TACC2: variants seen among roughly 807,000 people sequenced by gnomAD.
TACC2 encodes the protein transforming acidic coiled-coil containing protein 2, also known as transforming acidic coiled-coil-containing protein 2.
Under a neutral mutation model 227.3 loss-of-function variants are expected in TACC2, and 137 were observed. That is an observed-to-expected ratio of 0.60 (90% CI 0.52 to 0.69). The LOEUF (loss-of-function observed/expected upper bound fraction) is 0.69, where lower values mean the gene tolerates loss of function less well. Among genes scored for constraint, TACC2 ranks in the 30% least tolerant of loss-of-function variants. TACC2 has a pLI of 0.00. For synonymous variants in TACC2, 1,523 were observed against 1,487.5 expected (o/e 1.02, Z -0.55); for missense variants, 3,470 against 3,694.4 (o/e 0.94, Z 1.57).
intron 1 of TACC2, among the ~76,000 whole-genome samples, chr10:122,009,459 G>A (rs1439165949): frequency 6.6e-6 from 1 of 151,962 alleles, no homozygotes; most frequent in Non-Finnish European, 1.5e-5. Context: ...AGCAGAGATC[G>A]TGCCACTGCA....
rs1313829619 is a variant in TACC2, at chr10:122,215,370, C to T, written c.7284-21C>T. On this transcript the variant is annotated intron_variant, in intron 9 of 22. Coordinates refer to ENST00000369005, the MANE Select transcript of TACC2 (RefSeq NM_206862.4). The stretch of plus-strand genomic sequence containing the variant: ...TCCGTCCCTCTGCTTGTTGTGTTTA[C>T]GTTTTCCATTTTGTTTCCAGTGACA... The T allele has an allele frequency of 5.6e-6, 9 of 1,610,958 alleles. 1 individual carries two copies. The highest frequency in any genetic ancestry group is 2.2e-5 in the South Asian group (2 of 90,998).
intron 5 of TACC2, among the ~76,000 whole-genome samples, chr10:122,120,402 C>T (rs556097581): frequency 8.5e-5 from 13 of 152,282 alleles, no homozygotes; most frequent in South Asian, 4.1e-4. Context: ...AAGAGGCACC[C>T]GCAGCCCTGG....
intron 5 of TACC2, among the ~76,000 whole-genome samples, chr10:122,101,551 CTTTTTTTT>C (rs34331470): frequency 2.1e-5 from 1 of 47,138 alleles, no homozygotes; most frequent in Non-Finnish European, 4.3e-5. Flanking sequence ...AAAACCCCAT[CTTTTTTTT>C]TTTTTTTTTT....
In TACC2 at chr10:122,083,110, C is replaced by T. The variant is rs1456902268; in HGVS notation, c.610C>T (p.Pro204Ser). ...CCAGTCACCTGGAATGTCGCCAGTA[C>T]CCCTCAGAGAGCCAATGAAGGCACC... Reference protein sequence around the residue: ...IDQSPGMSPVPLREPMKAPLC... With the variant: ...IDQSPGMSPVSLREPMKAPLC... Residue 204 changes from proline to serine, a missense_variant, in exon 4 of 23, where the codon CCC becomes TCC. Physicochemically the swap from Pro to Ser is moderately conservative, Grantham distance 74 (BLOSUM62 -1). This residue lies in a region of TACC2 where 405 missense variants were observed against 389.6 expected (regional missense o/e 1.04). Coordinates refer to ENST00000369005, the MANE Select transcript of TACC2 (RefSeq NM_206862.4). 1.2e-6 allele frequency: 2 copies of T among 1,613,000 alleles called. No homozygotes were observed. The highest frequency in any genetic ancestry group is 2.2e-5 in the South Asian group (2 of 91,074).
At chr10:122,140,053 G>T (rs1170959920) in intron 6 of TACC2, among the ~76,000 whole-genome samples, 3 of 152,244 alleles carry the variant, frequency 2.0e-5, no homozygotes, top group Non-Finnish European at 2.9e-5. Flanking sequence ...CTGCAGGGCT[G>T]TCGGGCTGAA....
intron 8 of TACC2, among the ~76,000 whole-genome samples, chr10:122,199,187 T>C (rs1337431457): frequency 6.6e-6 from 1 of 152,218 alleles, no homozygotes; most frequent in African/African-American, 2.4e-5. Flanking sequence ...AGGCACTGAT[T>C]GTGGCACTGC....
At chr10:122,122,466 C>CT (rs1245666963) in intron 5 of TACC2, among the ~76,000 whole-genome samples, 4 of 150,438 alleles carry the variant, frequency 2.7e-5, no homozygotes, top group East Asian at 2.0e-4. Context: ...ATATAAGTAA[C>CT]TAAGTATTTT....
chr10:122,229,758 C>T (rs1263785169), intron 15 of TACC2, among the ~76,000 whole-genome samples: 1 of 152,158 alleles, frequency 6.6e-6, no homozygotes, highest in African/African-American at 2.4e-5. Flanking sequence ...CATTGATAGC[C>T]CCCAAAGCAG....
chr10:122,036,546 C>G (rs1036593784), intron 2 of TACC2, among the ~76,000 whole-genome samples: 4 of 142,644 alleles, frequency 2.8e-5, no homozygotes, highest in African/African-American at 1.0e-4. Context: ...GTTACCCAGG[C>G]TGGAGTGCAG....
Position 122,229,462 on chromosome 10 carries a change from C to T in TACC2, c.8013C>T (p.Pro2671=). 2 of 1,614,032 alleles carry T rather than the reference C, an allele frequency of 1.2e-6. No homozygotes were observed. The highest frequency in any genetic ancestry group is 1.7e-6 in the Non-Finnish European group (2 of 1,180,020). The change falls in exon 15 of 23, where the codon CCC becomes CCT. Residue 2671 remains proline, a synonymous_variant. Coordinates refer to ENST00000369005, the MANE Select transcript of TACC2 (RefSeq NM_206862.4). ...AGCCCGACTTAGCAGAAAAGAACCC[C>T]CCACTATTCGCTCAGAAACTCCAGG... ...YLEPDLAEKN[P]PLFAQKLQEE...
intron 16 of TACC2, among the ~76,000 whole-genome samples, chr10:122,235,497 G>C (rs1467983396): frequency 6.6e-6 from 1 of 152,148 alleles, no homozygotes; most frequent in African/African-American, 2.4e-5. Flanking sequence ...GCCTCCCAAA[G>C]TGTTGGGATT....
intron 8 of TACC2, among the ~76,000 whole-genome samples, chr10:122,208,169 G>C (rs1405757899): frequency 6.6e-6 from 1 of 152,212 alleles, no homozygotes; most frequent in Non-Finnish European, 1.5e-5. Context: ...TAGGGCGTCT[G>C]CTCCAGGTAG....
chr10:122,134,459 G>A (rs1018002971), intron 6 of TACC2, among the ~76,000 whole-genome samples: 13 of 152,126 alleles, frequency 8.5e-5, no homozygotes, highest in Non-Finnish European at 1.9e-4. Flanking sequence ...GATTACAGGC[G>A]TGAGCCACCT....
intron 17 of TACC2, 70 bp downstream of exon 17, chr10:122,237,608 G>GC: frequency 6.5e-7 from 1 of 1,548,448 alleles, no homozygotes; most frequent in South Asian, 1.2e-5. Context: ...GGTCCACAAA[G>GC]CCAGAGTCTT....
intron 1 of TACC2, among the ~76,000 whole-genome samples, chr10:122,017,211 G>T (rs1046053764): frequency 1.3e-5 from 2 of 152,150 alleles, no homozygotes; most frequent in African/African-American, 2.4e-5. Flanking sequence ...CGTGTGGGCC[G>T]CAGAGTTGAC....
At chr10:122,177,205 G>A (rs1278560769) in intron 7 of TACC2, among the ~76,000 whole-genome samples, 1 of 152,242 alleles carries the variant, frequency 6.6e-6, no homozygotes. Context: ...GCCTCCTACA[G>A]TTGCATTTTG....
intron 2 of TACC2, among the ~76,000 whole-genome samples, chr10:122,032,714 C>T (rs949758738): frequency 6.6e-6 from 1 of 152,150 alleles, no homozygotes; most frequent in African/African-American, 2.4e-5. Context: ...AATCCCAGCA[C>T]TTTGGGAGAC....
chr10:122,020,683 T>A (rs1176474874), intron 1 of TACC2, among the ~76,000 whole-genome samples: 1 of 152,184 alleles, frequency 6.6e-6, no homozygotes, highest in African/African-American at 2.4e-5. Flanking sequence ...CTCCCCAAAC[T>A]GAGTCTTTGG....
intron 2 of TACC2, among the ~76,000 whole-genome samples, chr10:122,040,527 G>A (rs750308461): frequency 3.9e-5 from 6 of 152,196 alleles, no homozygotes; most frequent in Non-Finnish European, 8.8e-5. Context: ...CTCCAAGCAT[G>A]TGGATTTCAG....
Sources: allele counts gnomAD v4.1 joint callset (sites outside exome capture counted in the v4.1 genomes callset), GRCh38; gene constraint gnomAD v4.1.1; regional missense constraint gnomAD v4.1.1; transcripts MANE v1.5; gene names NCBI Gene and HGNC (gene_info 2026-07-23, HGNC 2026-07-21).